Variants in ANK3 observed in about 807,000 individuals in gnomAD.
ANK3 encodes ankyrin 3.
In ANK3, 57 loss-of-function variants were observed where a neutral mutation model predicts 370.9. The ratio of observed to expected loss-of-function variants is 0.15; its 90% CI spans 0.12 to 0.19. The LOEUF (loss-of-function observed/expected upper bound fraction) is 0.19. Among genes scored for constraint, ANK3 ranks in the 10% least tolerant of loss-of-function variants. The probability of loss-of-function intolerance (pLI) is 1.00; values close to 1 mark genes in which losing one functional copy is unlikely to be tolerated. For synonymous variants in ANK3, 1,929 were observed against 1,946.3 expected (o/e 0.99, Z 0.23); for missense variants, 4,439 against 5,302.1 (o/e 0.84, Z 5.06).
intron 2 of ANK3, among the ~76,000 whole-genome samples, chr10:60,512,974 C>T (rs915422033): frequency 2.0e-5 from 3 of 152,078 alleles, no homozygotes; most frequent in Non-Finnish European, 4.4e-5. Context: ...AAAACTTGCA[C>T]TTAGGAACTG....
At chr10:60,673,916 T>C (rs2079092828) in intron 1 of ANK3, among the ~76,000 whole-genome samples, 1 of 152,146 alleles carries the variant, frequency 6.6e-6, no homozygotes, top group Non-Finnish European at 1.5e-5. Context: ...TAAGACGCAC[T>C]ACATAGGCTG....
intron 25 of ANK3, among the ~76,000 whole-genome samples, chr10:60,125,401 C>T (rs1217149886): frequency 1.3e-5 from 2 of 152,176 alleles, no homozygotes; most frequent in African/African-American, 2.4e-5. Flanking sequence ...ACAATACCAA[C>T]TTCTCTGCCT....
intron 1 of ANK3, among the ~76,000 whole-genome samples, chr10:60,663,216 T>C (rs1055727493): frequency 3.9e-5 from 6 of 152,214 alleles, no homozygotes; most frequent in East Asian, 1.9e-4. Context: ...TTTGAAATTC[T>C]GATTCAAGAA....
intron 1 of ANK3, among the ~76,000 whole-genome samples, chr10:60,354,228 G>A (rs1486976774): frequency 6.6e-6 from 1 of 152,144 alleles, no homozygotes; most frequent in African/African-American, 2.4e-5. Flanking sequence ...CAAGAAATGT[G>A]AGAGAAGATC....
At chr10:60,192,478 A>G (rs893834147) in intron 16 of ANK3, among the ~76,000 whole-genome samples, 1 of 151,744 alleles carries the variant, frequency 6.6e-6, no homozygotes, top group African/African-American at 2.4e-5. Flanking sequence ...ATACCAACAC[A>G]CATAAATACA....
intron 2 of ANK3, among the ~76,000 whole-genome samples, chr10:60,435,959 C>G (rs112028820): frequency 5.3e-5 from 8 of 152,218 alleles, no homozygotes; most frequent in African/African-American, 1.9e-4. Flanking sequence ...CAGTGGCAGG[C>G]GCCTGTAGTC....
At chr10:60,119,098 A>G (rs77454771) in intron 25 of ANK3, among the ~76,000 whole-genome samples, 4,419 of 152,314 alleles carry the variant, frequency 0.029, 105 homozygotes, top group Middle Eastern at 0.068. Flanking sequence ...ACACTTAAAC[A>G]TGTTTTTAGG....
chr10:60,509,508 A>C (rs1390143925), intron 2 of ANK3, among the ~76,000 whole-genome samples: 2 of 152,172 alleles, frequency 1.3e-5, no homozygotes, highest in African/African-American at 4.8e-5. Flanking sequence ...TGTGGGATTC[A>C]TATAATGTCT....
chr10:60,109,079 A>T (rs1229358296), intron 26 of ANK3, 25 bp from the exon 27 acceptor site: 1 of 1,583,838 alleles, frequency 6.3e-7, no homozygotes, highest in East Asian at 2.2e-5. Flanking sequence ...TCAGAGGCCA[A>T]TTCAAGGACG....
At chr10:60,397,201 T>TTA (rs2132892776) in intron 2 of ANK3, among the ~76,000 whole-genome samples, 1 of 139,936 alleles carries the variant, frequency 7.1e-6, no homozygotes, top group African/African-American at 2.6e-5. Context: ...ATAGTAGGAT[T>TTA]AAAAAAAAAA....
intron 2 of ANK3, among the ~76,000 whole-genome samples, chr10:60,464,791 T>C (rs1342882560): frequency 6.6e-6 from 1 of 152,202 alleles, no homozygotes; most frequent in Non-Finnish European, 1.5e-5. Flanking sequence ...ACTAATTCTA[T>C]GCTCATGATA....
intron 1 of ANK3, among the ~76,000 whole-genome samples, chr10:60,639,081 A>G (rs1465368287): frequency 1.3e-5 from 2 of 152,014 alleles, no homozygotes; most frequent in Non-Finnish European, 2.9e-5. Context: ...TCATAATCAA[A>G]TTGCTGATAA....
At chr10:60,151,661 AAATAAACCTCT>A (rs2095123437) in intron 23 of ANK3, among the ~76,000 whole-genome samples, 1 of 152,190 alleles carries the variant, frequency 6.6e-6, no homozygotes, top group South Asian at 2.1e-4. Flanking sequence ...CTGTGAGCCA[AAATAAACCTCT>A]TTTCATTATA....
chr10:60,250,514 G>GCACCA (rs1565991648), intron 7 of ANK3, among the ~76,000 whole-genome samples: 1 of 151,948 alleles, frequency 6.6e-6, no homozygotes, highest in Non-Finnish European at 1.5e-5. Flanking sequence ...ACAGGTGCCT[G>GCACCA]CCACCACGCC....
At chr10:60,274,784 T>A (rs1396891512) in intron 4 of ANK3, among the ~76,000 whole-genome samples, 1 of 152,218 alleles carries the variant, frequency 6.6e-6, no homozygotes, top group African/African-American at 2.4e-5. Flanking sequence ...GTGCTTAAGT[T>A]AGTTTCTCTC....
intron 2 of ANK3, among the ~76,000 whole-genome samples, chr10:60,423,501 A>T (rs1244120085): frequency 2.0e-5 from 3 of 151,862 alleles, no homozygotes; most frequent in Non-Finnish European, 4.4e-5. Flanking sequence ...ATACTAGCTC[A>T]GAACATCTAG....
At chr10:60,293,667 C>A (rs1037354721) in intron 1 of ANK3, among the ~76,000 whole-genome samples, 2 of 152,086 alleles carry the variant, frequency 1.3e-5, no homozygotes, top group Non-Finnish European at 2.9e-5. Context: ...TAAAAATGAC[C>A]GACAACTTTG....
At chr10:60,245,978 G>C (rs914751054) in intron 7 of ANK3, among the ~76,000 whole-genome samples, 1 of 152,072 alleles carries the variant, frequency 6.6e-6, no homozygotes, top group Non-Finnish European at 1.5e-5. Context: ...CCACTAGGCC[G>C]GGCATGGTGG....
intron 1 of ANK3, among the ~76,000 whole-genome samples, chr10:60,692,885 CACTT>C (rs142465804): frequency 0.04 from 6,105 of 152,244 alleles, 156 homozygotes; most frequent in Middle Eastern, 0.078. Flanking sequence ...AATTGAATGA[CACTT>C]ACAAAAAACA....
Sources: allele counts gnomAD v4.1 joint callset (sites outside exome capture counted in the v4.1 genomes callset), GRCh38; gene constraint gnomAD v4.1.1; transcripts MANE v1.5; gene names NCBI Gene and HGNC (gene_info 2026-07-23, HGNC 2026-07-21).